The following CBFA2T3 variants were observed in gnomAD, a reference collection of about 807,000 sequenced individuals.
CBFA2T3 encodes transcriptional corepressor CBFA2T3.
A neutral mutation model predicts 58.6 loss-of-function variants in CBFA2T3; 31 were observed. That is an observed-to-expected ratio of 0.53 (90% confidence interval 0.40 to 0.71). The LOEUF (loss-of-function observed/expected upper bound fraction) is 0.71. CBFA2T3 is among the 30% of genes least tolerant of loss of function. CBFA2T3 has a pLI of 0.00. For synonymous variants in CBFA2T3, 531 were observed against 421.9 expected (o/e 1.26, Z -3.17); for missense variants, 1,076 against 963.1 (o/e 1.12, Z -1.55).
chr16:88,893,797 C>T (rs1338053871), intron 3 of CBFA2T3, among the ~76,000 whole-genome samples: 22 of 152,204 alleles, frequency 1.4e-4, no homozygotes, highest in Admixed American at 1.4e-3. Context: ...GGTGACAGAG[C>T]TAAGGCCAAG....
rs1005341286 is a variant in CBFA2T3 at position 88,953,164 on chromosome 16, G to A, written c.151+23493C>T. ...CAGAGGAGGAGGAATGAGGAGTGCC[G>A]TGCCTGGGCTGGGCCATCGCCTCTC... On this transcript the variant is annotated intron_variant, in intron 1 of 11. Coordinates refer to ENST00000268679, the MANE Select transcript of CBFA2T3 (RefSeq NM_005187.6). The surrounding 1 kb of genome is among the most constrained non-coding windows in gnomAD (Gnocchi z 4.9). 3.9e-5 allele frequency among the ~76,000 whole-genome samples: 6 copies of A among 152,178 alleles called. No individual in the cohort carries two copies. Among genetic ancestry groups the A allele is most frequent in the South Asian group, 2.1e-4 (1 of 4,828 alleles).
intron 1 of CBFA2T3, among the ~76,000 whole-genome samples, chr16:88,924,047 G>A (rs1301171214): frequency 5.3e-5 from 8 of 152,268 alleles, no homozygotes; most frequent in South Asian, 2.1e-4. Flanking sequence ...AGGTGGGGGC[G>A]TGGTCAGGCA....
Position 88,953,136 on chromosome 16 carries a change from T to C in CBFA2T3, c.151+23521A>G, listed in dbSNP as rs866302518. ...CCCCCAGTCCTGCTGGCCCCAGCGA[T>C]GACAGAGGAGGAGGAATGAGGAGTG... On this transcript the variant is annotated intron_variant, in intron 1 of 11. Coordinates refer to ENST00000268679, the MANE Select transcript of CBFA2T3 (RefSeq NM_005187.6). This position sits in a 1 kb window ranked among gnomAD's most constrained non-coding sequence, Gnocchi z 4.9. 1.3e-5 allele frequency among the ~76,000 whole-genome samples: 2 copies of C among 152,192 alleles called. No homozygotes were observed. The highest frequency in any genetic ancestry group is 6.5e-5 in the Admixed American group (1 of 15,286).
In CBFA2T3 at chr16:88,899,227, G is replaced by A. The variant is rs555632929; in HGVS notation, c.305-1075C>T. ...CCAGTCCCCGGGGAGGAGCCTCCCG[G>A]CAGGGCTCTGCAACTGAGCTGTGGC... is the stretch of plus-strand genomic sequence containing the variant. On this transcript the variant is annotated intron_variant, in intron 2 of 11. Coordinates refer to ENST00000268679, the MANE Select transcript of CBFA2T3 (RefSeq NM_005187.6). 8.5e-5 allele frequency among the ~76,000 whole-genome samples: 13 copies of A among 152,208 alleles called. No homozygotes were observed. The East Asian group carries it at 2.3e-3, about 27-fold the overall frequency.
rs547930699 is a variant in CBFA2T3 at position 88,961,496 on chromosome 16, C to T, written c.151+15161G>A. 6.1e-5 allele frequency among the ~76,000 whole-genome samples: 9 copies of T among 148,400 alleles called. No homozygotes were observed. In the South Asian group the frequency reaches 1.1e-3, roughly 18 times the overall value. On this transcript the variant is annotated intron_variant, in intron 1 of 11. Coordinates refer to ENST00000268679, the MANE Select transcript of CBFA2T3 (RefSeq NM_005187.6). The stretch of plus-strand genomic sequence containing the variant: ...CTGGGCATTCCCACTCCATAGTAAC[C>T]GACCCTCAGCGCTGGACATTCCCAC...
At position 88,958,764 on chromosome 16, in the gene CBFA2T3, G is replaced by C. The variant is rs895592049; in HGVS notation, c.151+17893C>G. Among the ~76,000 whole-genome samples the C allele has an allele frequency of 6.6e-6, 1 of 152,086 alleles. No homozygotes were observed. Among genetic ancestry groups the C allele is most frequent in the Non-Finnish European group, 1.5e-5 (1 of 67,984 alleles). On this transcript the variant is annotated intron_variant, in intron 1 of 11. Transcript: ENST00000268679. This position sits in a 1 kb window ranked among gnomAD's most constrained non-coding sequence, Gnocchi z 4.0. ...CCAGGGCTGGGGCCTCAGGGCCTCA[G>C]CGTAGCCCAGGTCTGCGCTGGCTCT... is the stretch of plus-strand genomic sequence containing the variant.
rs1320615067 is a variant in CBFA2T3 at position 88,958,317 on chromosome 16, C to G, written c.151+18340G>C. ...AGCTATTTTGAGCCTAAAATAGCTT[C>G]AAGAGCCCAAAGCTCCCAGGGAGAA... is the stretch of plus-strand genomic sequence containing the variant. On this transcript the variant is annotated intron_variant, in intron 1 of 11. Transcript: ENST00000268679. The surrounding 1 kb of genome is among the most constrained non-coding windows in gnomAD (Gnocchi z 4.0). Among the ~76,000 whole-genome samples, 1 of 151,778 alleles carries G rather than the reference C, an allele frequency of 6.6e-6. No homozygotes were observed. The highest frequency in any genetic ancestry group is 1.9e-4 in the East Asian group (1 of 5,186).
chr16:88,973,470 G>C (rs542477961), intron 1 of CBFA2T3, among the ~76,000 whole-genome samples: 6 of 152,278 alleles, frequency 3.9e-5, no homozygotes, highest in African/African-American at 1.4e-4. Flanking sequence ...GTTGTTCTGA[G>C]CCCCCAGCCA....
At position 88,953,019 on chromosome 16, in the gene CBFA2T3, G is replaced by T. The variant is rs1195462867; in HGVS notation, c.151+23638C>A. ...TCGAGACGGCATGTCCCGCCATCGG[G>T]TTTGCTGCTGAATGAGCAGATGATC... On this transcript the variant is annotated intron_variant, in intron 1 of 11. Coordinates refer to ENST00000268679, the MANE Select transcript of CBFA2T3 (RefSeq NM_005187.6). This position sits in a 1 kb window ranked among gnomAD's most constrained non-coding sequence, Gnocchi z 4.9. 6.6e-6 allele frequency among the ~76,000 whole-genome samples: 1 copy of T among 151,850 alleles called. No individual in the cohort carries two copies. The highest frequency in any genetic ancestry group is 6.6e-5 in the Admixed American group (1 of 15,248).
intron 1 of CBFA2T3, among the ~76,000 whole-genome samples, chr16:88,944,772 A>G (rs1469941562): frequency 6.6e-6 from 1 of 152,204 alleles, no homozygotes; most frequent in Admixed American, 6.5e-5. Flanking sequence ...TTCTGATACC[A>G]GGTAAGACTC....
chr16:88,907,318 C>G (rs1156793255), intron 1 of CBFA2T3, among the ~76,000 whole-genome samples: 2 of 151,950 alleles, frequency 1.3e-5, no homozygotes, highest in Middle Eastern at 3.2e-3. Context: ...GTGGCCTACA[C>G]AAGTATCCTA....
chr16:88,930,508 C>T (rs1422906412), intron 1 of CBFA2T3, among the ~76,000 whole-genome samples: 1 of 151,876 alleles, frequency 6.6e-6, no homozygotes, highest in Non-Finnish European at 1.5e-5. Flanking sequence ...TGCAGCTCAG[C>T]CACAGGGAAG....
intron 1 of CBFA2T3, among the ~76,000 whole-genome samples, chr16:88,975,185 T>C (rs76277668): frequency 0.27 from 17,506 of 66,050 alleles, 1,358 homozygotes; most frequent in East Asian, 0.29. Context: ...TCCACATCTT[T>C]AGCCATGTCA....
intron 1 of CBFA2T3, among the ~76,000 whole-genome samples, chr16:88,925,337 T>C (rs1389685167): frequency 6.6e-6 from 1 of 152,188 alleles, no homozygotes; most frequent in African/African-American, 2.4e-5. Flanking sequence ...TCCTGAGCGG[T>C]GCCTTCCGGG....
At chr16:88,950,489 CCA>C (rs1319007771) in intron 1 of CBFA2T3, 1 of 394,998 alleles carries the variant, frequency 2.5e-6, no homozygotes, top group Non-Finnish European at 4.9e-6. Flanking sequence ...ACCGGCACCG[CCA>C]CAGAGGGTCA....
At chr16:88,954,493 C>T (rs1004494941) in intron 1 of CBFA2T3, among the ~76,000 whole-genome samples, 2 of 137,612 alleles carry the variant, frequency 1.5e-5, no homozygotes, top group Non-Finnish European at 3.1e-5. Flanking sequence ...CTCCTGACCC[C>T]GCCCAAGGCT....
chr16:88,952,409 G>A (rs190516544), intron 1 of CBFA2T3, among the ~76,000 whole-genome samples: 32 of 150,672 alleles, frequency 2.1e-4, no homozygotes, highest in African/African-American at 6.8e-4. Flanking sequence ...TCCTTCTCCC[G>A]CGGGGCACCA....
intron 1 of CBFA2T3, among the ~76,000 whole-genome samples, chr16:88,923,835 C>CCGAGGA (rs1971000904): frequency 6.6e-6 from 1 of 152,210 alleles, no homozygotes; most frequent in South Asian, 2.1e-4. Flanking sequence ...GAACCCACCC[C>CCGAGGA]CGAGGACCGT....
At position 88,875,112 on chromosome 16, in the gene CBFA2T3, G is replaced by A. The variant is rs1033030742; in HGVS notation, c.*1864C>T. ...GCACAGATGCCAGGCCACGGGCCAC[G>A]CCACACACACAGATGCCAGGCCACG... On this transcript the variant is annotated 3_prime_UTR_variant, in exon 12 of 12. Coordinates refer to ENST00000268679, the MANE Select transcript of CBFA2T3 (RefSeq NM_005187.6). 3.3e-4 allele frequency: 77 copies of A among 235,152 alleles called. No homozygotes were observed. The highest frequency in any genetic ancestry group is 1.1e-3 in the African/African-American group (47 of 44,748). The allele number at this position is 235,152 out of a possible 1,614,324, so 14.6% of individuals were successfully genotyped here.
Sources: gnomAD v4.1 joint callset for allele counts (sites outside exome capture counted in the v4.1 genomes callset) on GRCh38, gnomAD v4.1.1 for gene constraint, Gnocchi (gnomAD v3.1) non-coding constraint, MANE v1.5 for transcripts, NCBI Gene and HGNC (gene_info 2026-07-23, HGNC 2026-07-21) for gene names.